Variants in ZNF84 observed in about 807,000 individuals in gnomAD.
ZNF84 encodes the protein zinc finger protein 84.
In ZNF84, 12 loss-of-function variants were observed where a neutral mutation model predicts 14.8. That is an observed-to-expected ratio of 0.81 (90% CI 0.52 to 1.31). The LOEUF (loss-of-function observed/expected upper bound fraction) is 1.31. Among genes scored for constraint, ZNF84 ranks in the 50% most tolerant of loss-of-function variants. The pLI, the probability that ZNF84 is intolerant of heterozygous loss-of-function variation, is 0.00. For synonymous variants in ZNF84, 347 were observed against 291.1 expected, an observed-to-expected ratio of 1.19 and a Z score of -1.96; for missense variants, 859 against 878.6, an observed-to-expected ratio of 0.98 and a Z score of 0.28.
intron 4 of ZNF84, among the ~76,000 whole-genome samples, chr12:133,049,113 A>G (rs1954032965): frequency 6.6e-6 from 1 of 152,232 alleles, no homozygotes; most frequent in African/African-American, 2.4e-5. Flanking sequence ...AGTCACATTT[A>G]GACGTAGCTT....
chr12:133,053,418 C>T (rs1021858408), intron 4 of ZNF84, among the ~76,000 whole-genome samples: 12 of 152,210 alleles, frequency 7.9e-5, no homozygotes, highest in Middle Eastern at 3.4e-3. Flanking sequence ...TTTATTGAAA[C>T]GTCATAGACA....
At position 133,040,240 on chromosome 12, in the gene ZNF84, C is replaced by G. The variant is rs1953862467; in HGVS notation, c.-190-1038C>G. Among the ~76,000 whole-genome samples, 8 of 151,776 alleles carry G rather than the reference C, an allele frequency of 5.3e-5. No homozygotes were observed. The South Asian group carries it at 1.7e-3, about 32-fold the overall frequency. On this transcript the variant is annotated intron_variant, in intron 1 of 4. Transcript: ENST00000539354. ...TGCTAAGATTTTTAGTGTAGTTGAC[C>G]AGATGATAACATACCACGTAAATAC... is the stretch of plus-strand genomic sequence containing the variant.
intron 4 of ZNF84, among the ~76,000 whole-genome samples, chr12:133,052,287 C>G (rs1954083426): frequency 1.3e-5 from 2 of 152,144 alleles, no homozygotes; most frequent in African/African-American, 4.8e-5. Context: ...TTCACATGGC[C>G]TTTTCCCAGT....
chr12:133,042,775 A>G (rs1452088284), intron 2 of ZNF84, among the ~76,000 whole-genome samples: 5 of 152,198 alleles, frequency 3.3e-5, no homozygotes, highest in Non-Finnish European at 7.3e-5. Flanking sequence ...TACCTTTTTA[A>G]ACTGTAAGGC....
chr12:133,052,195 C>T (rs1954081263), intron 4 of ZNF84, among the ~76,000 whole-genome samples: 1 of 152,106 alleles, frequency 6.6e-6, no homozygotes, highest in South Asian at 2.1e-4. Context: ...GATGGAAAGT[C>T]CCAAGATCAA....
At chr12:133,043,322 G>A (rs892697330) in intron 2 of ZNF84, among the ~76,000 whole-genome samples, 5 of 152,036 alleles carry the variant, frequency 3.3e-5, no homozygotes, top group Non-Finnish European at 5.9e-5. Context: ...ACGCTCCCAC[G>A]CCTGGCTAAT....
chr12:133,041,706 A>G (rs1953892024), intron 2 of ZNF84, among the ~76,000 whole-genome samples: 1 of 152,220 alleles, frequency 6.6e-6, no homozygotes, highest in Non-Finnish European at 1.5e-5. Context: ...CATCTTACAT[A>G]ATTACTGCAT....
chr12:133,046,897 TATA>T (rs1178978164), intron 2 of ZNF84, among the ~76,000 whole-genome samples: 69 of 144,998 alleles, frequency 4.8e-4, no homozygotes, highest in Admixed American at 9.2e-4. Flanking sequence ...TTATTTTTAA[TATA>T]ATATTTATAT....
In ZNF84 at chr12:133,062,850, C is replaced by T. The variant is rs2137447116; in HGVS notation, c.*3918C>T. The T allele has an allele frequency of 2.0e-6, 1 of 503,058 alleles. No homozygotes were observed. The highest frequency in any genetic ancestry group is 3.3e-5 in the Admixed American group (1 of 30,018). The allele number at this position is 503,058 out of a possible 1,614,324, so 31.2% of individuals were successfully genotyped here. On this transcript the variant is annotated 3_prime_UTR_variant, in exon 5 of 5. Transcript: ENST00000539354. ...TGGCCTCTGTGAACAACTTGTAGTTCCTTGAGATTTCTATTATCACTTATG... is the reference window on the plus strand; with the variant it reads ...TGGCCTCTGTGAACAACTTGTAGTTTCTTGAGATTTCTATTATCACTTATG...
intron 4 of ZNF84, among the ~76,000 whole-genome samples, chr12:133,055,234 G>A (rs1466999541): frequency 6.6e-6 from 1 of 151,916 alleles, no homozygotes; most frequent in Non-Finnish European, 1.5e-5. Context: ...GACATACTGT[G>A]AAATAGAAAA....
chr12:133,054,120 A>G (rs1954113084), intron 4 of ZNF84, among the ~76,000 whole-genome samples: 1 of 152,156 alleles, frequency 6.6e-6, no homozygotes, highest in African/African-American at 2.4e-5. Flanking sequence ...TCTGGGAGAG[A>G]CCAAGTCTCT....
chr12:133,052,169 A>T (rs1351774224), intron 4 of ZNF84, among the ~76,000 whole-genome samples: 1 of 152,200 alleles, frequency 6.6e-6, no homozygotes, highest in East Asian at 1.9e-4. Flanking sequence ...ACAGAAATTT[A>T]TTTCTCAGTT....
rs137958416 is a variant in ZNF84 at position 133,054,622 on chromosome 12, C to CTT, written c.239-2319_239-2318dup. On this transcript the variant is annotated intron_variant, in intron 4 of 4. Coordinates refer to ENST00000539354, the MANE Select transcript of ZNF84 (RefSeq NM_001289971.2). ...AAATGTGTTGCATTAAGTGGCTTTCCTTTTTTTTTTTTTTAGGTTATAAAC... is the reference window on the plus strand; with the variant it reads ...AAATGTGTTGCATTAAGTGGCTTTCCTTTTTTTTTTTTTTTTAGGTTATAAAC... Among the ~76,000 whole-genome samples the CTT allele has an allele frequency of 5.4e-3, 770 of 143,250 alleles. 8 individuals are homozygous for CTT. The highest frequency in any genetic ancestry group is 0.019 in the Middle Eastern group (5 of 268). The allele number at this position is 143,250 out of a possible 152,430, so 94.0% of individuals were successfully genotyped here.
intron 3 of ZNF84, chr12:133,048,326 T>C (rs1954018534): frequency 5.0e-6 from 2 of 397,566 alleles, no homozygotes; most frequent in Non-Finnish European, 9.3e-6. Flanking sequence ...GTTTGAGCAG[T>C]AGTGATAGCA....
At chr12:133,052,392 A>G (rs1954086349) in intron 4 of ZNF84, among the ~76,000 whole-genome samples, 1 of 152,060 alleles carries the variant, frequency 6.6e-6, no homozygotes, top group Non-Finnish European at 1.5e-5. Context: ...CCCCACCTGG[A>G]GTGCAATGGC....
chr12:133,055,915 TA>T (rs1954147288), intron 4 of ZNF84, among the ~76,000 whole-genome samples: 1 of 113,498 alleles, frequency 8.8e-6, no homozygotes, highest in African/African-American at 2.6e-5. Context: ...CTGGACAATA[TA>T]GGGAATCCCC....
At position 133,057,939 on chromosome 12, in the gene ZNF84, T is replaced by C; in HGVS notation, c.1224T>C (p.Cys408=). 6.2e-7 allele frequency: 1 copy of C among 1,613,948 alleles called. No homozygotes were observed. The highest frequency in any genetic ancestry group is 8.5e-7 in the Non-Finnish European group (1 of 1,179,996). The change falls in exon 5 of 5, where the codon TGT becomes TGC. Residue 408 remains cysteine (C), a synonymous_variant. Transcript: ENST00000539354. ...TGEKPYECSE[C]RKAFRERSSL... ...AGAAACCCTATGAATGCAGCGAGTG[T>C]AGGAAAGCATTTAGAGAGAGGTCGA...
intron 3 of ZNF84, chr12:133,048,538 A>G (rs1003619118): frequency 2.7e-6 from 1 of 369,414 alleles, no homozygotes; most frequent in Non-Finnish European, 5.0e-6. Context: ...ATGTAAACCC[A>G]GGCTTACTGG....
chr12:133,045,989 T>C (rs1309061072), intron 2 of ZNF84, among the ~76,000 whole-genome samples: 1 of 152,088 alleles, frequency 6.6e-6, no homozygotes, highest in African/African-American at 2.4e-5. Flanking sequence ...TGATCTGTCT[T>C]CAAATTCTCT....
Sources: allele counts gnomAD v4.1 joint callset (sites outside exome capture counted in the v4.1 genomes callset), GRCh38; gene constraint gnomAD v4.1.1; transcripts MANE v1.5; gene names NCBI Gene and HGNC (gene_info 2026-07-23, HGNC 2026-07-21).